The following ACSL4 variants were observed in gnomAD, a reference collection of about 807,000 sequenced individuals.
ACSL4 encodes the protein long-chain-fatty-acid--CoA ligase 4.
A neutral mutation model predicts 49.1 loss-of-function variants in ACSL4; 9 were observed. The ratio of observed to expected loss-of-function variants is 0.18; its 90% confidence interval spans 0.11 to 0.32. The LOEUF (loss-of-function observed/expected upper bound fraction) is 0.32, where lower values mean the gene tolerates loss of function less well. Among genes scored for constraint, ACSL4 ranks in the 10% least tolerant of loss-of-function variants. The probability of loss-of-function intolerance (pLI) is 1.00; values close to 1 mark genes in which losing one functional copy is unlikely to be tolerated. For synonymous variants in ACSL4, 191 were observed against 170.3 expected, an observed-to-expected ratio of 1.12 and a Z score of -0.95; for missense variants, 333 against 493.7, an observed-to-expected ratio of 0.67 and a Z score of 3.08.
chrX:109,661,731 G>A (rs1399344360), intron 13 of ACSL4, 86 bp from the exon 14 acceptor site: 3 of 612,183 alleles, frequency 4.9e-6, no homozygotes, highest in Non-Finnish European at 8.2e-6. Flanking sequence ...TGCCTTAATC[G>A]TTATTTACAA....
intron 15 of ACSL4, among the ~76,000 whole-genome samples, chrX:109,646,261 C>A (rs746681237): frequency 3.1e-4 from 35 of 111,604 alleles, no homozygotes; most frequent in Non-Finnish European, 5.1e-4. Context: ...ATGTTAAGGG[C>A]AGCCAGAGAG....
intron 2 of ACSL4, among the ~76,000 whole-genome samples, chrX:109,690,694 T>C (rs1326120882): frequency 9.7e-6 from 1 of 103,510 alleles, no homozygotes; most frequent in East Asian, 3.2e-4. Context: ...TGACAAACTT[T>C]GGGTATGAAG....
At chrX:109,719,100 A>G (rs1021566885) in intron 1 of ACSL4, among the ~76,000 whole-genome samples, 1 of 112,089 alleles carries the variant, frequency 8.9e-6, no homozygotes, top group African/African-American at 3.2e-5. Context: ...CAAAATAAAC[A>G]AACAAAAAAC....
intron 15 of ACSL4, among the ~76,000 whole-genome samples, chrX:109,645,107 C>A (rs1414958356): frequency 1.8e-5 from 2 of 113,172 alleles, no homozygotes; most frequent in African/African-American, 6.4e-5. Context: ...GGGCGCCCGC[C>A]ATTGCCCAGG....
At chrX:109,722,484 T>C (rs1158072951) in intron 1 of ACSL4, among the ~76,000 whole-genome samples, 1 of 111,878 alleles carries the variant, frequency 8.9e-6, no homozygotes, top group Admixed American at 9.6e-5. Context: ...AAAATAACCA[T>C]TCAGGTTCAG....
intron 2 of ACSL4, among the ~76,000 whole-genome samples, chrX:109,684,078 T>A (rs1475216077): frequency 9.0e-6 from 1 of 110,740 alleles, no homozygotes; most frequent in Non-Finnish European, 1.9e-5. Flanking sequence ...AAACTAGACA[T>A]CTTTAAATAG....
At chrX:109,709,576 T>C (rs1180339688) in intron 1 of ACSL4, among the ~76,000 whole-genome samples, 2 of 112,930 alleles carry the variant, frequency 1.8e-5, no homozygotes, top group Non-Finnish European at 3.7e-5. Flanking sequence ...AAATGTGTCC[T>C]GCAATAACCC....
At chrX:109,674,232 C>A (rs1400406631) in intron 9 of ACSL4, among the ~76,000 whole-genome samples, 170 bp downstream of exon 9, 2 of 111,667 alleles carry the variant, frequency 1.8e-5, no homozygotes, top group Non-Finnish European at 3.8e-5. Flanking sequence ...TTTTGTCTTC[C>A]CTAGTATGGT....
Position 109,678,324 on chromosome X carries a change from C to T in ACSL4, c.747G>A (p.Met249Ile). 4 of 1,211,666 alleles carry T rather than the reference C, an allele frequency of 3.3e-6. No homozygotes were observed. Among genetic ancestry groups the T allele is most frequent in the Non-Finnish European group, 4.5e-6 (4 of 895,447 alleles). ...GSTGRPKGVM[M>I]HHSNLIAGMT... is the part of the protein sequence containing the mutation. ...TTCCAGCTATCAAATTGCTATGATG[C>T]ATCATCACTCCCTTAGGTCGGCCAG... Residue 249 changes from methionine to isoleucine, a missense_variant, in exon 7 of 16, where the codon ATG (methionine) becomes ATA (isoleucine). Physicochemically the swap from Met to Ile is conservative, Grantham distance 10 (BLOSUM62 1). This residue lies in a region of ACSL4 where 157 missense variants were observed against 201.1 expected (regional missense o/e 0.78). Coordinates refer to ENST00000672401, the MANE Select transcript of ACSL4 (RefSeq NM_001318510.2).
At chrX:109,700,430 G>A (rs1313491380) in intron 1 of ACSL4, among the ~76,000 whole-genome samples, 2 of 106,401 alleles carry the variant, frequency 1.9e-5, no homozygotes, top group Middle Eastern at 4.5e-3. Context: ...CCAGCTACTC[G>A]GAAGGCTGAG....
chrX:109,648,227 A>G (rs1175842128), intron 15 of ACSL4, among the ~76,000 whole-genome samples: 1 of 111,465 alleles, frequency 9.0e-6, no homozygotes, highest in Non-Finnish European at 1.9e-5. Flanking sequence ...ACCAAAAAAG[A>G]GAATTTTAGA....
At chrX:109,687,866 G>A (rs1924734633) in intron 2 of ACSL4, among the ~76,000 whole-genome samples, 5 of 111,555 alleles carry the variant, frequency 4.5e-5, no homozygotes, top group Admixed American at 1.9e-4. Flanking sequence ...AGTCCCTCTT[G>A]GTTGTCTCAC....
At chrX:109,652,296 G>A (rs1921212617) in intron 15 of ACSL4, among the ~76,000 whole-genome samples, 1 of 111,597 alleles carries the variant, frequency 9.0e-6, no homozygotes, top group Non-Finnish European at 1.9e-5. Flanking sequence ...AATCCTTTGT[G>A]GCACAAAAGG....
Position 109,661,445 on chromosome X carries a change from T to C in ACSL4, c.1697+86A>G, listed in dbSNP as rs192311551. On this transcript the variant is annotated intron_variant, in intron 14 of 15. Transcript: ENST00000672401. ...TGATGAAAATTCTAAGAGAAGACTA[T>C]GTTACCCTTATGATAATATGTAATC... 185 of 671,329 alleles carry C rather than the reference T, an allele frequency of 2.8e-4. 1 individual carries two copies. The African/African-American group carries it at 3.8e-3, about 14-fold the overall frequency. The allele number at this position is 671,329 out of a possible 1,213,427, so 55.3% of individuals were successfully genotyped here.
chrX:109,714,085 A>G (rs1418394860), intron 1 of ACSL4, among the ~76,000 whole-genome samples: 1 of 112,218 alleles, frequency 8.9e-6, no homozygotes, highest in African/African-American at 3.2e-5. Context: ...TTCCAGTGGG[A>G]CAAGATGTGG....
intron 1 of ACSL4, among the ~76,000 whole-genome samples, chrX:109,708,880 T>A (rs1283254888): frequency 2.7e-5 from 3 of 111,826 alleles, no homozygotes; most frequent in Non-Finnish European, 3.8e-5. Flanking sequence ...CAAACACTTC[T>A]GGCCCCAGGC....
chrX:109,661,137 C>G (rs1922142425), intron 14 of ACSL4, among the ~76,000 whole-genome samples: 1 of 111,611 alleles, frequency 9.0e-6, no homozygotes, highest in African/African-American at 3.3e-5. Flanking sequence ...AAAAATAAGA[C>G]ATATCAACAT....
At chrX:109,652,385 A>G (rs1306509007) in intron 15 of ACSL4, among the ~76,000 whole-genome samples, 1 of 111,714 alleles carries the variant, frequency 9.0e-6, no homozygotes, top group Non-Finnish European at 1.9e-5. Context: ...TAAGCACAGG[A>G]AAGTTATGAG....
At chrX:109,724,519 T>C (rs758059384) in intron 1 of ACSL4, among the ~76,000 whole-genome samples, 1 of 111,738 alleles carries the variant, frequency 8.9e-6, no homozygotes, top group African/African-American at 3.3e-5. Flanking sequence ...TGATCATAGT[T>C]CACTACAACC....
Sources: allele counts gnomAD v4.1 joint callset (sites outside exome capture counted in the v4.1 genomes callset), GRCh38; gene constraint gnomAD v4.1.1; regional missense constraint gnomAD v4.1.1; transcripts MANE v1.5; gene names NCBI Gene and HGNC (gene_info 2026-07-23, HGNC 2026-07-21).